TASL: variants seen among roughly 807,000 people sequenced by gnomAD.
TASL encodes the protein TLR adapter interacting with SLC15A4 on the lysosome.
TASL carries 6 observed loss-of-function variants against 12.9 expected under a neutral mutation model. That is an observed-to-expected ratio of 0.46 (90% CI 0.25 to 0.92). TASL has a LOEUF of 0.92. Ranked by LOEUF, TASL falls within the 40% of genes least tolerant of loss-of-function variation. TASL has a pLI of 0.17. For synonymous variants in TASL, 85 were observed against 79.3 expected, an observed-to-expected ratio of 1.07 and a Z score of -0.38; for missense variants, 165 against 212.8, an observed-to-expected ratio of 0.78 and a Z score of 1.40.
intron 2 of TASL, among the ~76,000 whole-genome samples, chrX:30,573,791 A>G (rs5972190): frequency 0.074 from 8,134 of 109,593 alleles, 411 homozygotes; most frequent in African/African-American, 0.18. Flanking sequence ...GGTGGCGAGC[A>G]CCTGTAGTCC....
Position 30,559,110 on chromosome X carries a change from CT to C in TASL, c.*339del. 1 of 153,978 alleles carries C rather than the reference CT, an allele frequency of 6.5e-6. No homozygotes were observed. The highest frequency in any genetic ancestry group is 1.3e-5 in the Non-Finnish European group (1 of 79,854). The allele number at this position is 153,978 out of a possible 1,213,427, so 12.7% of individuals were successfully genotyped here. A position where few individuals can be genotyped will look rare whatever the true frequency, so the allele number is the denominator to read the frequency against. ...GGCGTGAGCCACTACACCCGGCCAC[CT>C]TTTGGCCTTTTTGTTTCATCTCATT... On this transcript the variant is annotated 3_prime_UTR_variant, in exon 3 of 3. Coordinates refer to ENST00000378962, the MANE Select transcript of TASL (RefSeq NM_025159.3).
intron 2 of TASL, among the ~76,000 whole-genome samples, chrX:30,576,211 G>C (rs1930701944): frequency 8.9e-6 from 1 of 111,923 alleles, no homozygotes; most frequent in Non-Finnish European, 1.9e-5. Context: ...TAATAGTATT[G>C]TGTTGATGTT....
chrX:30,566,389 C>T (rs1354495836), intron 2 of TASL, among the ~76,000 whole-genome samples: 1 of 110,735 alleles, frequency 9.0e-6, no homozygotes. Flanking sequence ...TGCCTGCAAT[C>T]CCAGCTACTC....
At chrX:30,568,134 A>T (rs1049372358) in intron 2 of TASL, among the ~76,000 whole-genome samples, 1 of 110,836 alleles carries the variant, frequency 9.0e-6, no homozygotes, top group Admixed American at 9.6e-5. Flanking sequence ...GCTACTCAGG[A>T]GGCTGAGGCA....
chrX:30,566,275 G>A (rs187513527), intron 2 of TASL, among the ~76,000 whole-genome samples: 7 of 110,345 alleles, frequency 6.3e-5, no homozygotes, highest in Admixed American at 5.7e-4. Flanking sequence ...GGGAAGCCGA[G>A]GCAGGTGGAT....
At chrX:30,569,985 T>A (rs1202711879) in intron 2 of TASL, among the ~76,000 whole-genome samples, 1 of 105,492 alleles carries the variant, frequency 9.5e-6, no homozygotes, top group Non-Finnish European at 1.9e-5. Flanking sequence ...GCCACTGCAC[T>A]CCAGCCTGGC....
chrX:30,563,207 C>G (rs1367126007), intron 2 of TASL, among the ~76,000 whole-genome samples: 1 of 111,280 alleles, frequency 9.0e-6, no homozygotes, highest in Non-Finnish European at 1.9e-5. Flanking sequence ...TTAGTTCTCA[C>G]GAGATCCAAT....
intron 2 of TASL, among the ~76,000 whole-genome samples, chrX:30,576,344 A>G (rs1293600214): frequency 9.0e-6 from 1 of 111,006 alleles, no homozygotes; most frequent in Non-Finnish European, 1.9e-5. Context: ...CCATTCAGGG[A>G]AAAAACTGTG....
At chrX:30,577,303 A>T (rs1930722117) in intron 1 of TASL, among the ~76,000 whole-genome samples, 1 of 112,484 alleles carries the variant, frequency 8.9e-6, no homozygotes, top group Non-Finnish European at 1.9e-5. Flanking sequence ...CCAGTGTGGC[A>T]ATTAGTGAAA....
At chrX:30,571,278 G>GAAAGAA (rs1555998463) in intron 2 of TASL, among the ~76,000 whole-genome samples, 3,112 of 74,589 alleles carry the variant, frequency 0.042, 115 homozygotes, top group East Asian at 0.078. Flanking sequence ...AAGAAAGAAA[G>GAAAGAA]AAAGAAAGAA....
At chrX:30,567,746 C>A (rs972147538) in intron 2 of TASL, among the ~76,000 whole-genome samples, 7 of 111,057 alleles carry the variant, frequency 6.3e-5, no homozygotes, top group African/African-American at 2.3e-4. Context: ...AAAGTTGCAA[C>A]ACAGCATGCT....
Position 30,572,337 on chromosome X carries a change from G to T in TASL, c.-2+4415C>A, listed in dbSNP as rs748245564. Among the ~76,000 whole-genome samples the T allele has an allele frequency of 6.2e-5, 7 of 112,101 alleles. No homozygotes were observed. In the East Asian group the frequency reaches 1.4e-3, roughly 22 times the overall value. Reference sequence around the variant, plus strand: ...CACTTCTTCACATAGACACATTTTTGATTGATTTTTTAAAATTGACAGATA... The same window carrying T: ...CACTTCTTCACATAGACACATTTTTTATTGATTTTTTAAAATTGACAGATA... On this transcript the variant is annotated intron_variant, in intron 2 of 2. Transcript: ENST00000378962.
chrX:30,568,549 C>T (rs1930536183), intron 2 of TASL, among the ~76,000 whole-genome samples: 1 of 111,070 alleles, frequency 9.0e-6, no homozygotes, highest in Non-Finnish European at 1.9e-5. Flanking sequence ...GTGTCATGCT[C>T]ACCTAAGAGC....
At chrX:30,561,566 A>AT (rs1402252711) in intron 2 of TASL, among the ~76,000 whole-genome samples, 3 of 112,078 alleles carry the variant, frequency 2.7e-5, no homozygotes, top group Non-Finnish European at 5.6e-5. Context: ...GAAAAGAAGG[A>AT]TTTTTTTAAC....
intron 1 of TASL, among the ~76,000 whole-genome samples, chrX:30,577,326 A>C (rs987952425): frequency 8.9e-6 from 1 of 112,541 alleles, no homozygotes; most frequent in Non-Finnish European, 1.9e-5. Flanking sequence ...GGACTGCAAA[A>C]ATAACACAAT....
rs184148128 is a variant in TASL at position 30,567,553 on chromosome X, A to C, written c.-1-7197T>G. 1.4e-3 allele frequency among the ~76,000 whole-genome samples: 154 copies of C among 111,939 alleles called. No homozygotes were observed. In the Middle Eastern group the frequency reaches 0.032, roughly 23 times the overall value. On this transcript the variant is annotated intron_variant, in intron 2 of 2. Transcript: ENST00000378962. ...TACTATTTTAATGTACATATAGTAC[A>C]GTGATACCAATAAAAATCATCCTAG...
intron 2 of TASL, among the ~76,000 whole-genome samples, chrX:30,563,766 C>A (rs1415709521): frequency 8.9e-6 from 1 of 111,812 alleles, no homozygotes; most frequent in Non-Finnish European, 1.9e-5. Flanking sequence ...CCTCTCTCCC[C>A]TTACTCAGCT....
chrX:30,577,380 A>G (rs2147089138), intron 1 of TASL, among the ~76,000 whole-genome samples: 1 of 112,399 alleles, frequency 8.9e-6, no homozygotes, highest in South Asian at 3.6e-4. Flanking sequence ...TAAAAATATA[A>G]GTGTTTTAGA....
At position 30,559,044 on chromosome X, in the gene TASL, G is replaced by A. The variant is rs114538791; in HGVS notation, c.*406C>T. On this transcript the variant is annotated 3_prime_UTR_variant, in exon 3 of 3. Coordinates refer to ENST00000378962, the MANE Select transcript of TASL (RefSeq NM_025159.3). ...GGCCGGTCTCGAATTCCTGACGTCA[G>A]GTAATCCACCCACATCAGCCTCCGA... The A allele has an allele frequency of 7.6e-3, 891 of 117,550 alleles. 3 individuals are homozygous for A. The highest frequency in any genetic ancestry group is 0.013 in the Middle Eastern group (3 of 230). The allele number at this position is 117,550 out of a possible 1,213,427, so 9.7% of individuals were successfully genotyped here.
Sources: gnomAD v4.1 joint callset for allele counts (sites outside exome capture counted in the v4.1 genomes callset) on GRCh38, gnomAD v4.1.1 for gene constraint, MANE v1.5 for transcripts, NCBI Gene and HGNC (gene_info 2026-07-23, HGNC 2026-07-21) for gene names.